NAV3: variants seen among roughly 807,000 people sequenced by gnomAD.
NAV3 encodes the protein neuron navigator 3, also known as pore membrane and/or filament interacting like protein 1.
NAV3 carries 87 observed loss-of-function variants against 244.7 expected under a neutral mutation model. The ratio of observed to expected loss-of-function variants is 0.36; its 90% CI spans 0.30 to 0.42. The LOEUF (loss-of-function observed/expected upper bound fraction) is 0.42. Ranked by LOEUF, NAV3 falls within the 20% of genes least tolerant of loss-of-function variation. The probability of loss-of-function intolerance (pLI) is 1.00; values close to 1 mark genes in which losing one functional copy is unlikely to be tolerated. For missense variants in NAV3, 2,663 were observed against 2,893.3 expected (o/e 0.92, Z 1.83); for synonymous variants, 1,126 against 1,042.2 (o/e 1.08, Z -1.55).
At chr12:77,903,488 T>C (rs1341914525) in intron 1 of NAV3, among the ~76,000 whole-genome samples, 1 of 152,160 alleles carries the variant, frequency 6.6e-6, no homozygotes, top group East Asian at 1.9e-4. Context: ...TATACAAAAA[T>C]TAATTCAAGA....
intron 2 of NAV3, among the ~76,000 whole-genome samples, chr12:77,750,703 T>C (rs2135798306): frequency 6.6e-6 from 1 of 152,258 alleles, no homozygotes; most frequent in Middle Eastern, 3.4e-3. Flanking sequence ...ATTTTAATAA[T>C]TGTGGTATAC....
In NAV3 at chr12:78,138,776, A is replaced by G. The variant is rs529092602; in HGVS notation, c.4630+1411A>G. 3.9e-5 allele frequency among the ~76,000 whole-genome samples: 6 copies of G among 152,234 alleles called. No homozygotes were observed. In the South Asian group the frequency reaches 1.0e-3, roughly 27 times the overall value. ...ATATACTGGGAAATTCTGGCCTTCA[A>G]TGTATCAGGATTAAATAATCTGAAT... On this transcript the variant is annotated intron_variant, in intron 19 of 39. Coordinates refer to ENST00000397909, the MANE Select transcript of NAV3 (RefSeq NM_001024383.2).
chr12:77,820,052 A>G, intron 2 of NAV3, among the ~76,000 whole-genome samples: 1 of 151,832 alleles, frequency 6.6e-6, no homozygotes, highest in Non-Finnish European at 1.5e-5. Context: ...GAAAATGGAC[A>G]GTGAGGTCAG....
At chr12:78,157,810 G>A (rs944413256) in intron 22 of NAV3, among the ~76,000 whole-genome samples, 2 of 151,618 alleles carry the variant, frequency 1.3e-5, no homozygotes, top group African/African-American at 4.8e-5. Flanking sequence ...AGAAGAGGGG[G>A]AGGAGAAAAA....
At chr12:77,753,546 A>G (rs1010305438) in intron 2 of NAV3, among the ~76,000 whole-genome samples, 19 of 152,138 alleles carry the variant, frequency 1.2e-4, no homozygotes, top group Non-Finnish European at 2.5e-4. Context: ...CTAGGTCTAC[A>G]TCTACTGCTG....
intron 1 of NAV3, among the ~76,000 whole-genome samples, chr12:77,879,685 C>CAAAAAAAAAAAAAA (rs72076222): frequency 1.2e-5 from 1 of 85,094 alleles, no homozygotes; most frequent in Non-Finnish European, 2.2e-5. Flanking sequence ...AACTCCATCT[C>CAAAAAAAAAAAAAA]AAAAAAAAAA....
intron 2 of NAV3, among the ~76,000 whole-genome samples, chr12:77,661,409 T>C (rs1168010058): frequency 6.6e-6 from 1 of 152,140 alleles, no homozygotes; most frequent in African/African-American, 2.4e-5. Context: ...TTTTGCCATT[T>C]TGAATTGAGT....
intron 12 of NAV3, among the ~76,000 whole-genome samples, chr12:78,109,510 GC>G (rs1325991871): frequency 6.6e-6 from 1 of 151,666 alleles, no homozygotes; most frequent in African/African-American, 2.4e-5. Context: ...AAAACTACAG[GC>G]CAATAACCAT....
chr12:77,791,167 A>G (rs1290982654), intron 2 of NAV3, among the ~76,000 whole-genome samples: 3 of 152,080 alleles, frequency 2.0e-5, no homozygotes, highest in Non-Finnish European at 1.5e-5. Context: ...CAGCCTGGCC[A>G]ATATGGTGAA....
intron 2 of NAV3, among the ~76,000 whole-genome samples, chr12:77,715,660 C>G (rs1876325697): frequency 6.6e-6 from 1 of 151,876 alleles, no homozygotes; most frequent in Admixed American, 6.6e-5. Context: ...ATTTTTGAAG[C>G]AGAGTTCTTT....
rs2138707156 is a variant in NAV3 at position 78,122,418 on chromosome 12, C to G, written c.4228C>G (p.Leu1410Val). ...LMRTGSVRSTLSESMQLDRNT... is the reference protein window; with the variant it reads ...LMRTGSVRSTVSESMQLDRNT... ...GAGAACGGGTAGTGTGAGATCTACTCTCTCAGAAAGGTGAGCTTTCCTGGA... is the reference window on the plus strand; with the variant it reads ...GAGAACGGGTAGTGTGAGATCTACTGTCTCAGAAAGGTGAGCTTTCCTGGA... Residue 1410 changes from leucine to valine, a missense_variant, in exon 16 of 40, where the codon CTC becomes GTC. Around this residue, in one of 6 missense-constraint regions of NAV3, gnomAD observed 354 missense variants for 413.0 expected, o/e 0.86. Transcript: ENST00000397909. 6.3e-7 allele frequency: 1 copy of G among 1,599,144 alleles called. No individual in the cohort carries two copies. The highest frequency in any genetic ancestry group is 2.2e-5 in the East Asian group (1 of 44,814).
At chr12:78,156,044 G>A (rs921911355) in intron 22 of NAV3, among the ~76,000 whole-genome samples, 2 of 152,082 alleles carry the variant, frequency 1.3e-5, no homozygotes, top group Non-Finnish European at 2.9e-5. Context: ...ATTGCTTTTG[G>A]AGTTTTTGTC....
intron 2 of NAV3, among the ~76,000 whole-genome samples, chr12:77,603,925 C>A (rs2055067320): frequency 6.6e-6 from 1 of 152,014 alleles, no homozygotes; most frequent in African/African-American, 2.4e-5. Flanking sequence ...AAGCTAGAAG[C>A]AAAGGGTATA....
chr12:77,832,081 A>T (rs1261854638), intron 1 of NAV3, among the ~76,000 whole-genome samples: 1 of 152,224 alleles, frequency 6.6e-6, no homozygotes, highest in Admixed American at 6.5e-5. Context: ...TCAAAAAGAC[A>T]TTTATTTGTA....
At chr12:77,835,356 C>A (rs1041333516) in intron 1 of NAV3, among the ~76,000 whole-genome samples, 1 of 152,142 alleles carries the variant, frequency 6.6e-6, no homozygotes, top group African/African-American at 2.4e-5. Flanking sequence ...CCACAATAGA[C>A]GACTGTCATT....
intron 12 of NAV3, among the ~76,000 whole-genome samples, chr12:78,094,544 A>G (rs1298496419): frequency 6.6e-6 from 1 of 152,226 alleles, no homozygotes; most frequent in Non-Finnish European, 1.5e-5. Context: ...CATGTCAACC[A>G]AGAATATCCT....
chr12:78,206,922 G>A (rs565863789), intron 39 of NAV3, among the ~76,000 whole-genome samples: 6 of 132,036 alleles, frequency 4.5e-5, no homozygotes, highest in Non-Finnish European at 9.3e-5. Flanking sequence ...GCAATGGCAC[G>A]ATCTTGGCTC....
At chr12:78,053,322 C>G (rs1245366483) in intron 11 of NAV3, among the ~76,000 whole-genome samples, 1 of 151,976 alleles carries the variant, frequency 6.6e-6, no homozygotes, top group Non-Finnish European at 1.5e-5. Context: ...TGGTACTTCT[C>G]TTCTATGAAG....
In NAV3 at chr12:78,118,285, C is replaced by T. The variant is rs956237809; in HGVS notation, c.3028C>T (p.Leu1010Phe). The T allele has an allele frequency of 1.2e-6, 2 of 1,604,218 alleles. No homozygotes were observed. The highest frequency in any genetic ancestry group is 1.7e-5 in the Admixed American group (1 of 59,186). The change falls in exon 14 of 40, where the codon CTC becomes TTC. Residue 1010 changes from leucine (L) to phenylalanine (F), a missense_variant. This residue lies in a region of NAV3 where 1,521 missense variants were observed against 1,497.0 expected (regional missense o/e 1.02). Transcript: ENST00000397909. ...PSRQKAGTSA[L>F]KTPGKTDDAK... ...TAGGCAGAAAGCTGGAACAAGTGCACTCAAAACACCCGGTAGGCTTGTCGT... is the reference window on the plus strand; with the variant it reads ...TAGGCAGAAAGCTGGAACAAGTGCATTCAAAACACCCGGTAGGCTTGTCGT...
Sources: gnomAD v4.1 joint callset for allele counts (sites outside exome capture counted in the v4.1 genomes callset) on GRCh38, gnomAD v4.1.1 for gene constraint, gnomAD v4.1.1 regional missense constraint, MANE v1.5 for transcripts, NCBI Gene and HGNC (gene_info 2026-07-23, HGNC 2026-07-21) for gene names.